Variants in NEB observed in about 807,000 individuals in gnomAD.
NEB encodes nebulin.
In NEB, 512 loss-of-function variants were observed where a neutral mutation model predicts 952.2. That is an observed-to-expected ratio of 0.54 (90% CI 0.50 to 0.58). The LOEUF (loss-of-function observed/expected upper bound fraction) is 0.58, where lower values mean the gene tolerates loss of function less well. Ranked by LOEUF, NEB falls within the 20% of genes least tolerant of loss-of-function variation. NEB has a pLI of 0.00. For synonymous variants in NEB, 2,900 were observed against 3,149.8 expected (o/e 0.92, Z 2.66); for missense variants, 8,428 against 9,231.1 (o/e 0.91, Z 3.56).
chr2:151,518,042 T>C (rs1014294512), intron 156 of NEB, among the ~76,000 whole-genome samples: 1 of 152,136 alleles, frequency 6.6e-6, no homozygotes, highest in Non-Finnish European at 1.5e-5. Context: ...ATGGGGCACA[T>C]TGGAGTTACC....
chr2:151,643,739 A>G (rs2098917824), intron 57 of NEB, 79 bp downstream of exon 57: 2 of 1,557,522 alleles, frequency 1.3e-6, no homozygotes. Flanking sequence ...TGTAAACTCA[A>G]CTCTGCTCAC....
chr2:151,640,258 C>T, intron 61 of NEB, 97 bp downstream of exon 61: 1 of 1,544,090 alleles, frequency 6.5e-7, no homozygotes, highest in Non-Finnish European at 8.8e-7. Context: ...TTGCCTCCTC[C>T]AGGGGCTGGT....
chr2:151,732,877 A>C (rs990930409), intron 3 of NEB, among the ~76,000 whole-genome samples: 10 of 152,194 alleles, frequency 6.6e-5, no homozygotes, highest in African/African-American at 2.2e-4. Flanking sequence ...CTTTACTCCA[A>C]CTTGGTTTTT....
In NEB at chr2:151,529,296, A is replaced by G. The variant is rs753019048; in HGVS notation, c.21649T>C (p.Tyr7217His). Residue 7217 changes from tyrosine (Y) to histidine (H), a missense_variant, in exon 146 of 182, where the codon TAC becomes CAC. Transcript: ENST00000397345. ...GTGCAGTTGGATTTATTTCTTTGGTATACTTCTTTGTATTTCAGCTGTGGG... is the reference window on the plus strand; with the variant it reads ...GTGCAGTTGGATTTATTTCTTTGGTGTACTTCTTTGTATTTCAGCTGTGGG... ...EVSDLKYKEV[Y>H]QRNKSNCTIE... 12 of 1,611,644 alleles carry G rather than the reference A, an allele frequency of 7.4e-6. No homozygotes were observed. Among genetic ancestry groups the G allele is most frequent in the Non-Finnish European group, 1.7e-6 (2 of 1,177,886 alleles).
At chr2:151,646,413 C>A (rs1458875317) in intron 54 of NEB, among the ~76,000 whole-genome samples, 179 bp from the exon 55 acceptor site, 1 of 152,152 alleles carries the variant, frequency 6.6e-6, no homozygotes, top group African/African-American at 2.4e-5. Flanking sequence ...GACATAACTG[C>A]CTTTCAACAC....
intron 10 of NEB, among the ~76,000 whole-genome samples, chr2:151,715,766 G>C (rs1342477725): frequency 2.0e-5 from 3 of 152,216 alleles, no homozygotes; most frequent in African/African-American, 7.2e-5. Context: ...AGCCCAAGCT[G>C]ACTTATATAC....
At position 151,639,974 on chromosome 2, in the gene NEB, T is replaced by G. The variant is rs2154103315; in HGVS notation, c.8772A>C (p.Ala2924=). 2 of 1,614,012 alleles carry G rather than the reference T, an allele frequency of 1.2e-6. No homozygotes were observed. The highest frequency in any genetic ancestry group is 1.7e-6 in the Non-Finnish European group (2 of 1,179,872). The change falls in exon 62 of 182, where the codon GCA becomes GCC. Residue 2924 remains alanine, a synonymous_variant. Coordinates refer to ENST00000397345, the MANE Select transcript of NEB (RefSeq NM_001164508.2). ...AGATTTTATCACTCAAAATTTCAGT[T>G]GCCCTTTTGCATTTTTCCACATCCA... ...GSLDVEKCKR[A]TEILSDKIYR... is the part of the protein sequence containing the mutation.
intron 154 of NEB, 128 bp from the exon 155 acceptor site, chr2:151,519,197 C>T (rs1271585585): frequency 5.7e-6 from 4 of 703,212 alleles, no homozygotes; most frequent in Non-Finnish European, 1.0e-5. Context: ...ATACCTCATT[C>T]ATAGTAGCCA....
intron 20 of NEB, among the ~76,000 whole-genome samples, chr2:151,693,427 C>T (rs1336350559): frequency 6.6e-6 from 1 of 151,010 alleles, no homozygotes. Context: ...GCCTCCCCCA[C>T]CCCCAGCCTC....
Position 151,678,095 on chromosome 2 carries a change from G to T in NEB, c.3348C>A (p.Asn1116Lys), listed in dbSNP as rs149162847. The change falls in exon 33 of 182, where the codon AAC becomes AAA. Residue 1116 changes from asparagine to lysine, a missense_variant. By Grantham distance (94) the Asn-to-Lys change is moderately conservative. Around this residue, in one of 11 missense-constraint regions of NEB, gnomAD observed 2,851 missense variants for 2,791.5 expected, o/e 1.02. Transcript: ENST00000397345. The part of the protein sequence containing the change: ...QDDPKLVHYM[N>K]VAKIQSDREY... ...CCCGATCTGATTGTATCTTGGCCAC[G>T]TTCATATAATGAACCAGTTTAGGGT... The T allele has an allele frequency of 6.2e-7, 1 of 1,613,516 alleles. No homozygotes were observed. Among genetic ancestry groups the T allele is most frequent in the Non-Finnish European group, 8.5e-7 (1 of 1,179,668 alleles).
At chr2:151,528,163 G>A (rs1319537803) in intron 146 of NEB, among the ~76,000 whole-genome samples, 1 of 152,200 alleles carries the variant, frequency 6.6e-6, no homozygotes, top group Non-Finnish European at 1.5e-5. Context: ...CTGCAGAGGG[G>A]CTTGCATGCT....
intron 77 of NEB, among the ~76,000 whole-genome samples, chr2:151,613,712 T>A (rs2098101555): frequency 6.6e-6 from 1 of 152,152 alleles, no homozygotes; most frequent in Non-Finnish European, 1.5e-5. Flanking sequence ...CTTGTGATAG[T>A]GAGTGAATTC....
rs1175150488 is a variant in NEB at position 151,513,614 on chromosome 2, A to G, written c.23207T>C (p.Met7736Thr). 1.2e-6 allele frequency: 2 copies of G among 1,610,094 alleles called. No homozygotes were observed. Among genetic ancestry groups the G allele is most frequent in the Non-Finnish European group, 1.7e-6 (2 of 1,178,218 alleles). The change falls in exon 160 of 182, where the codon ATG becomes ACG. Residue 7736 changes from methionine (M) to threonine (T), a missense_variant. By Grantham distance (81) the Met-to-Thr change is moderately conservative (BLOSUM62 -1). Coordinates refer to ENST00000397345, the MANE Select transcript of NEB (RefSeq NM_001164508.2). Reference protein sequence around the residue: ...NAMANETPDFMRARNATDIAS... With the variant: ...NAMANETPDFTRARNATDIAS... The stretch of plus-strand genomic sequence containing the variant: ...AATATCAGTAGCATTCCTGGCCCTC[A>G]TAAAATCCGGAGTTTCATTGGCCAT...
rs78078428 is a variant in NEB at position 151,526,834 on chromosome 2, T to G, written c.21945+84A>C. On this transcript the variant is annotated intron_variant, in intron 148 of 181. Transcript: ENST00000397345. ...CCCTGATGGAAGCAGCTCTTCTCCA[T>G]CCTTCCCTGGTGTCCCTGGGGACTG... is the stretch of plus-strand genomic sequence containing the variant. The G allele has an allele frequency of 4.4e-3, 4,477 of 1,022,698 alleles. 88 individuals carry two copies. The highest frequency in any genetic ancestry group is 0.029 in the African/African-American group (1,845 of 62,952). 63.4% of individuals were successfully genotyped at this position (1,022,698 alleles called of 1,614,324 possible).
At chr2:151,674,210 T>C (rs2099337635) in intron 36 of NEB, among the ~76,000 whole-genome samples, 1 of 152,134 alleles carries the variant, frequency 6.6e-6, no homozygotes, top group Non-Finnish European at 1.5e-5. Context: ...ATGTGGGCTG[T>C]CAGGGAAATG....
At position 151,656,213 on chromosome 2, in the gene NEB, G is replaced by A. The variant is rs375014703; in HGVS notation, c.6435C>T (p.Ile2145=). The change falls in exon 49 of 182, where the codon ATC becomes ATT. Residue 2145 remains isoleucine (I), a synonymous_variant. Coordinates refer to ENST00000397345, the MANE Select transcript of NEB (RefSeq NM_001164508.2). ...TNYKHLIHKY[I]LLPDAMNIEL... ...CAATGTTCATTGCATCTGGAAGGAG[G>A]ATGTACTTGTGAATCAGGTGCTTGT... 114 of 1,612,388 alleles carry A rather than the reference G, an allele frequency of 7.1e-5. No individual in the cohort carries two copies. In the African/African-American group the frequency reaches 1.3e-3, roughly 19 times the overall value.
At chr2:151,518,198 C>T in intron 156 of NEB, 120 bp downstream of exon 156, 1 of 766,614 alleles carries the variant, frequency 1.3e-6, no homozygotes, top group Non-Finnish European at 2.3e-6. Context: ...TTACCAGATT[C>T]AAAACCCCTT....
chr2:151,527,154 TC>T (rs2086703028), intron 147 of NEB, 132 bp from the exon 148 acceptor site: 5 of 653,516 alleles, frequency 7.7e-6, no homozygotes, highest in Admixed American at 5.5e-5. Context: ...GAGAAGAGCT[TC>T]TTGGTCCCTC....
At position 151,562,892 on chromosome 2, in the gene NEB, T is replaced by C. The variant is rs1577671506; in HGVS notation, c.18694-84A>G. Reference sequence around the variant, plus strand: ...ATGTCTTTTAGATCCTTATTTCCCATATAGATCAGTATCTCTAGAATAAAC... The same window carrying C: ...ATGTCTTTTAGATCCTTATTTCCCACATAGATCAGTATCTCTAGAATAAAC... On this transcript the variant is annotated intron_variant, in intron 119 of 181. Transcript: ENST00000397345. 1.2e-5 allele frequency: 10 copies of C among 832,148 alleles called. No individual in the cohort carries two copies. The Admixed American group carries it at 1.7e-4, about 14-fold the overall frequency. The allele number at this position is 832,148 out of a possible 1,614,324, so 51.5% of individuals were successfully genotyped here. A position where few individuals can be genotyped will look rare whatever the true frequency, so the allele number is the denominator to read the frequency against.
Sources: allele counts gnomAD v4.1 joint callset (sites outside exome capture counted in the v4.1 genomes callset), GRCh38; gene constraint gnomAD v4.1.1; regional missense constraint gnomAD v4.1.1; transcripts MANE v1.5; gene names NCBI Gene and HGNC (gene_info 2026-07-23, HGNC 2026-07-21).